The following SYN3 variants were observed in gnomAD, a reference collection of about 807,000 sequenced individuals.
The protein encoded by SYN3 is synapsin-3.
Under a neutral mutation model 65.8 loss-of-function variants are expected in SYN3, and 35 were observed. That is an observed-to-expected ratio of 0.53 (90% CI 0.41 to 0.70). SYN3 has a LOEUF of 0.70. Among genes scored for constraint, SYN3 ranks in the 30% least tolerant of loss-of-function variants. The probability of loss-of-function intolerance (pLI) is 0.00; values close to 1 mark genes in which losing one functional copy is unlikely to be tolerated. For synonymous variants in SYN3, 270 were observed against 292.9 expected, an observed-to-expected ratio of 0.92 and a Z score of 0.80; for missense variants, 680 against 749.0, an observed-to-expected ratio of 0.91 and a Z score of 1.08.
intron 6 of SYN3, among the ~76,000 whole-genome samples, chr22:32,690,150 T>C (rs2060643235): frequency 6.6e-6 from 1 of 152,076 alleles, no homozygotes; most frequent in African/African-American, 2.4e-5. Context: ...CACTCCAGTC[T>C]GGCCAACAGA....
intron 7 of SYN3, among the ~76,000 whole-genome samples, chr22:32,553,061 AG>A (rs1186033221): frequency 2.6e-5 from 4 of 152,134 alleles, no homozygotes; most frequent in Non-Finnish European, 4.4e-5. Context: ...AGAGTGAGCA[AG>A]CTCTCTGGTA....
intron 4 of SYN3, among the ~76,000 whole-genome samples, chr22:32,913,629 A>C (rs548334239): frequency 1.3e-5 from 2 of 152,262 alleles, no homozygotes; most frequent in African/African-American, 2.4e-5. Context: ...CAGTTTCTTC[A>C]TCTGTGATAT....
chr22:32,660,114 G>C (rs1480363418), intron 6 of SYN3, among the ~76,000 whole-genome samples: 1 of 152,120 alleles, frequency 6.6e-6, no homozygotes, highest in African/African-American at 2.4e-5. Context: ...TCCATGCATT[G>C]AGCACCCATT....
intron 1 of SYN3, among the ~76,000 whole-genome samples, chr22:33,009,570 T>G (rs1336679451): frequency 6.6e-6 from 1 of 152,132 alleles, no homozygotes; most frequent in African/African-American, 2.4e-5. Context: ...TGTGGCTTGC[T>G]GCTTCATTTC....
intron 8 of SYN3, among the ~76,000 whole-genome samples, chr22:32,538,961 T>A (rs907097934): frequency 1.1e-4 from 16 of 152,054 alleles, no homozygotes; most frequent in African/African-American, 3.6e-4. Flanking sequence ...AGGTGCCCAG[T>A]AGGCACCTAC....
In SYN3 at chr22:32,745,077, G is replaced by C. The variant is rs372381037; in HGVS notation, c.711+119838C>G. Among the ~76,000 whole-genome samples, 28 of 152,288 alleles carry C rather than the reference G, an allele frequency of 1.8e-4. No homozygotes were observed. In the South Asian group the frequency reaches 2.3e-3, roughly 12 times the overall value. On this transcript the variant is annotated intron_variant, in intron 6 of 13. Coordinates refer to ENST00000358763, the MANE Select transcript of SYN3 (RefSeq NM_003490.4). ...ACTCTTCTGACGGGTTAGGAATGATGGGCTGGGAAAGGGAATCAGTGGTGC... is the reference window on the plus strand; with the variant it reads ...ACTCTTCTGACGGGTTAGGAATGATCGGCTGGGAAAGGGAATCAGTGGTGC...
chr22:32,930,270 TAGTG>T (rs1199107930), intron 4 of SYN3, among the ~76,000 whole-genome samples: 1 of 152,148 alleles, frequency 6.6e-6, no homozygotes, highest in Admixed American at 6.5e-5. Flanking sequence ...GTTCTCGTGT[TAGTG>T]AGTAAGTCTC....
intron 6 of SYN3, among the ~76,000 whole-genome samples, chr22:32,778,692 C>G (rs2045965228): frequency 6.6e-6 from 1 of 152,168 alleles, no homozygotes; most frequent in South Asian, 2.1e-4. Context: ...GAAGCGGAAT[C>G]CCTAGGACTT....
intron 3 of SYN3, among the ~76,000 whole-genome samples, chr22:32,946,913 C>T (rs1258798062): frequency 4.6e-5 from 7 of 152,154 alleles, no homozygotes; most frequent in Admixed American, 6.6e-5. Context: ...AGACAGAGCT[C>T]TTGGTATTTT....
intron 6 of SYN3, among the ~76,000 whole-genome samples, chr22:32,793,352 A>C (rs2145889085): frequency 6.6e-6 from 1 of 152,274 alleles, no homozygotes; most frequent in East Asian, 1.9e-4. Context: ...AGGGAGTTCA[A>C]CTTGGTAACC....
intron 3 of SYN3, among the ~76,000 whole-genome samples, chr22:32,965,770 C>G (rs1283148318): frequency 6.6e-6 from 1 of 152,178 alleles, no homozygotes; most frequent in East Asian, 1.9e-4. Context: ...TCTCGGCTCA[C>G]TGCAAGCTCC....
Position 32,737,950 on chromosome 22 carries a change from G to C in SYN3, c.711+126965C>G, listed in dbSNP as rs73156441. On this transcript the variant is annotated intron_variant, in intron 6 of 13. Coordinates refer to ENST00000358763, the MANE Select transcript of SYN3 (RefSeq NM_003490.4). ...AGGATGTGGTGGCCAGATGCAGGAG[G>C]ACTGCCTGACCCGTATCAGATCTCA... is the stretch of plus-strand genomic sequence containing the variant. 4.0e-3 allele frequency among the ~76,000 whole-genome samples: 616 copies of C among 152,278 alleles called. 4 individuals carry two copies. Among genetic ancestry groups the C allele is most frequent in the East Asian group, 0.013 (65 of 5,182 alleles).
In SYN3 at chr22:32,562,359, G is replaced by A. The variant is rs1042038164; in HGVS notation, c.775-20646C>T. Reference sequence around the variant, plus strand: ...GCGGGCTCCTCCAGAGCTCATTAAGGTTTGCTTTTCCCTTGCTCAAAGTGA... The same window carrying A: ...GCGGGCTCCTCCAGAGCTCATTAAGATTTGCTTTTCCCTTGCTCAAAGTGA... On this transcript the variant is annotated intron_variant, in intron 7 of 13. Coordinates refer to ENST00000358763, the MANE Select transcript of SYN3 (RefSeq NM_003490.4). Among the ~76,000 whole-genome samples, 5 of 152,190 alleles carry A rather than the reference G, an allele frequency of 3.3e-5. No homozygotes were observed. The South Asian group carries it at 1.0e-3, about 32-fold the overall frequency.
At chr22:32,878,585 G>T (rs1464555953) in intron 4 of SYN3, among the ~76,000 whole-genome samples, 7 of 152,162 alleles carry the variant, frequency 4.6e-5, no homozygotes, top group African/African-American at 1.7e-4. Context: ...GTACCACCAT[G>T]GTTGAGTGAG....
At chr22:32,999,035 G>C (rs1214828058) in intron 2 of SYN3, among the ~76,000 whole-genome samples, 1 of 152,144 alleles carries the variant, frequency 6.6e-6, no homozygotes, top group Non-Finnish European at 1.5e-5. Flanking sequence ...TATGCTAACT[G>C]AACAGTTACT....
chr22:32,678,890 T>C (rs992203613), intron 6 of SYN3, among the ~76,000 whole-genome samples: 2 of 152,160 alleles, frequency 1.3e-5, no homozygotes, highest in Admixed American at 6.5e-5. Context: ...AGGGGAATCA[T>C]GTAGTGTTTG....
intron 2 of SYN3, among the ~76,000 whole-genome samples, chr22:32,982,719 G>A (rs1337104417): frequency 6.6e-6 from 1 of 152,130 alleles, no homozygotes; most frequent in Admixed American, 6.5e-5. Context: ...TTAACACATA[G>A]TAGGAAATTG....
chr22:32,791,281 C>G (rs953735963), intron 6 of SYN3, among the ~76,000 whole-genome samples: 7 of 152,124 alleles, frequency 4.6e-5, no homozygotes, highest in African/African-American at 1.4e-4. Context: ...TGTTTGCCTT[C>G]GCTTTATAGG....
intron 10 of SYN3, among the ~76,000 whole-genome samples, chr22:32,532,676 T>C (rs951607635): frequency 1.4e-5 from 2 of 146,384 alleles, no homozygotes; most frequent in Admixed American, 1.5e-4. Flanking sequence ...ACCCACTGAG[T>C]CACCTGGTCC....
Sources: allele counts gnomAD v4.1 joint callset (sites outside exome capture counted in the v4.1 genomes callset), GRCh38; gene constraint gnomAD v4.1.1; transcripts MANE v1.5; gene names NCBI Gene and HGNC (gene_info 2026-07-23, HGNC 2026-07-21).